Variants in SPMIP7 observed in about 807,000 individuals in gnomAD.
The protein encoded by SPMIP7 is protein SPMIP7.
the SPMIP7 span, among the ~76,000 whole-genome samples, chr7:50,150,375 C>T: frequency 4.7e-4 from 71 of 152,240 alleles, no homozygotes; most frequent in African/African-American, 1.7e-3. Flanking sequence ...TGCAATCTGC[C>T]CACTGGCCCT....
At chr7:50,152,671 T>TATTC in the SPMIP7 span, among the ~76,000 whole-genome samples, 1 of 145,122 alleles carries the variant, frequency 6.9e-6, no homozygotes, top group Non-Finnish European at 1.5e-5. Flanking sequence ...ACATTTTATT[T>TATTC]ATTTATTTAT....
chr7:50,151,505 G>C, the SPMIP7 span: 1 of 1,551,526 alleles, frequency 6.4e-7, no homozygotes, highest in East Asian at 2.4e-5. Context: ...CACCCACCCA[G>C]CAAATTCTAA....
chr7:50,105,892 A>G, the SPMIP7 span, among the ~76,000 whole-genome samples: 44 of 152,320 alleles, frequency 2.9e-4, no homozygotes, highest in African/African-American at 1.1e-3. Context: ...ATCAAAGTGA[A>G]CCTTATAAGA....
At chr7:50,131,903 G>A in the SPMIP7 span, among the ~76,000 whole-genome samples, 4 of 152,060 alleles carry the variant, frequency 2.6e-5, no homozygotes, top group South Asian at 2.1e-4. Context: ...ATGACAACAC[G>A]TGTGGACCTC....
chr7:50,116,141 A>G, the SPMIP7 span, among the ~76,000 whole-genome samples: 3 of 152,206 alleles, frequency 2.0e-5, no homozygotes, highest in Non-Finnish European at 4.4e-5. Context: ...TTTAAGACAG[A>G]GTCCTGCTTT....
At chr7:50,110,555 TTA>T in the SPMIP7 span, among the ~76,000 whole-genome samples, 1 of 143,986 alleles carries the variant, frequency 6.9e-6, no homozygotes, top group African/African-American at 2.5e-5. Context: ...TATTATATGC[TTA>T]TATTTATATA....
the SPMIP7 span, among the ~76,000 whole-genome samples, chr7:50,104,699 C>G: frequency 7.2e-5 from 11 of 152,106 alleles, no homozygotes; most frequent in Admixed American, 1.3e-4. Context: ...TGTCTATTCC[C>G]AGTAGCAATG....
At chr7:50,123,831 G>A in the SPMIP7 span, among the ~76,000 whole-genome samples, 19 of 151,962 alleles carry the variant, frequency 1.3e-4, no homozygotes, top group Admixed American at 1.2e-3. Context: ...AAATAGAAAC[G>A]TAGGGTTTTC....
chr7:50,150,141 A>G, the SPMIP7 span, among the ~76,000 whole-genome samples: 1 of 152,190 alleles, frequency 6.6e-6, no homozygotes, highest in Non-Finnish European at 1.5e-5. Context: ...TGGTTCCTGG[A>G]GAAGGCTTTG....
chr7:50,104,281 C>A, the SPMIP7 span: 1 of 1,207,772 alleles, frequency 8.3e-7, no homozygotes, highest in Non-Finnish European at 1.2e-6. Context: ...GTGTTTTTAA[C>A]CAAAATCCCA....
At chr7:50,145,612 G>GTATA in the SPMIP7 span, among the ~76,000 whole-genome samples, 776 of 36,816 alleles carry the variant, frequency 0.021, 96 homozygotes, top group South Asian at 0.062. Context: ...GTGTGTATAT[G>GTATA]TGTGTGTATA....
chr7:50,140,191 G>T, the SPMIP7 span: 1 of 1,473,746 alleles, frequency 6.8e-7, no homozygotes. Flanking sequence ...CGTAAGTAAT[G>T]TTTCTCAGTC....
At chr7:50,107,753 A>G in the SPMIP7 span, among the ~76,000 whole-genome samples, 118,153 of 151,970 alleles carry the variant, frequency 0.78, 46,042 homozygotes, top group East Asian at 0.88. Context: ...GCATCCCCTT[A>G]CATTCTCTGC....
the SPMIP7 span, among the ~76,000 whole-genome samples, chr7:50,115,261 C>T: frequency 6.6e-6 from 1 of 151,956 alleles, no homozygotes; most frequent in African/African-American, 2.4e-5. Context: ...ATAAAATGTA[C>T]ATAAAATGTA....
the SPMIP7 span, among the ~76,000 whole-genome samples, chr7:50,115,076 A>G: frequency 6.6e-6 from 1 of 152,068 alleles, no homozygotes; most frequent in Non-Finnish European, 1.5e-5. Context: ...GCTGACCACA[A>G]GAAAACCATG....
chr7:50,154,620 C>T, the SPMIP7 span, among the ~76,000 whole-genome samples: 1 of 152,170 alleles, frequency 6.6e-6, no homozygotes, highest in Non-Finnish European at 1.5e-5. Context: ...ATTCATCTAT[C>T]AACAGACATC....
At chr7:50,145,657 T>TATAC in the SPMIP7 span, among the ~76,000 whole-genome samples, 18 of 115,002 alleles carry the variant, frequency 1.6e-4, no homozygotes, top group African/African-American at 6.0e-4. Context: ...TATATATATA[T>TATAC]ATACATCTTA....
At chr7:50,147,035 C>T in the SPMIP7 span, among the ~76,000 whole-genome samples, 2 of 152,222 alleles carry the variant, frequency 1.3e-5, no homozygotes, top group Non-Finnish European at 2.9e-5. Flanking sequence ...TTAAATGTGT[C>T]TGTCTCACAC....
At chr7:50,145,612 G>GTATATT in the SPMIP7 span, among the ~76,000 whole-genome samples, 1 of 36,900 alleles carries the variant, frequency 2.7e-5, no homozygotes, top group African/African-American at 1.2e-4. Flanking sequence ...GTGTGTATAT[G>GTATATT]TGTGTGTATA....
Sources: allele counts gnomAD v4.1 joint callset (sites outside exome capture counted in the v4.1 genomes callset), GRCh38; gene constraint gnomAD v4.1.1; transcripts MANE v1.5; gene names NCBI Gene and HGNC (gene_info 2026-07-23, HGNC 2026-07-21).